The following CEP112 variants were observed in gnomAD, a reference collection of about 807,000 sequenced individuals.
CEP112 encodes the protein centrosomal protein 112, also known as centrosomal protein of 112 kDa.
A neutral mutation model predicts 153.0 loss-of-function variants in CEP112; 127 were observed. The ratio of observed to expected loss-of-function variants is 0.83; its 90% CI spans 0.72 to 0.96. The LOEUF is 0.96. Ranked by LOEUF, CEP112 falls within the 40% of genes least tolerant of loss-of-function variation. CEP112 has a pLI of 0.00. For missense variants in CEP112, 1,089 were observed against 1,101.2 expected (o/e 0.99, Z 0.16); for synonymous variants, 358 against 374.4 (o/e 0.96, Z 0.51).
intron 8 of CEP112, among the ~76,000 whole-genome samples, chr17:66,085,222 C>A (rs9892182): frequency 0.95 from 144,040 of 152,288 alleles, 68,210 homozygotes; most frequent in East Asian, 0.98. Context: ...CACACATTTA[C>A]ACAATACAAA....
chr17:66,164,328 C>A (rs539298175), intron 4 of CEP112, among the ~76,000 whole-genome samples: 5 of 152,014 alleles, frequency 3.3e-5, no homozygotes, highest in African/African-American at 1.2e-4. Flanking sequence ...GAGGCCAAGG[C>A]GGGAGGACCA....
chr17:65,855,508 G>A (rs1034204301), intron 20 of CEP112, among the ~76,000 whole-genome samples: 1 of 152,166 alleles, frequency 6.6e-6, no homozygotes, highest in Non-Finnish European at 1.5e-5. Flanking sequence ...TGAAGTAACT[G>A]TGAAAGGGAG....
intron 18 of CEP112, among the ~76,000 whole-genome samples, chr17:65,948,591 TAC>T (rs67350763): frequency 0.44 from 61,195 of 138,560 alleles, 13,692 homozygotes; most frequent in East Asian, 0.87. Flanking sequence ...TATATATATA[TAC>T]ATACATAGAA....
chr17:66,151,910 T>TA (rs1212089719), intron 4 of CEP112, among the ~76,000 whole-genome samples: 1 of 152,104 alleles, frequency 6.6e-6, no homozygotes, highest in Non-Finnish European at 1.5e-5. Flanking sequence ...TAAAAAATTT[T>TA]AAAAAAATTA....
At chr17:65,997,029 T>C (rs2063816647) in intron 17 of CEP112, among the ~76,000 whole-genome samples, 1 of 152,104 alleles carries the variant, frequency 6.6e-6, no homozygotes, top group African/African-American at 2.4e-5. Context: ...GGCAACACAG[T>C]GAAACCTCGT....
chr17:66,150,649 T>C (rs1382744097), intron 4 of CEP112, among the ~76,000 whole-genome samples: 1 of 152,234 alleles, frequency 6.6e-6, no homozygotes, highest in Non-Finnish European at 1.5e-5. Flanking sequence ...CACACTGGAG[T>C]ATGTGCATTC....
At chr17:65,859,810 T>C (rs868211037) in intron 20 of CEP112, among the ~76,000 whole-genome samples, 5 of 140,806 alleles carry the variant, frequency 3.6e-5, no homozygotes, top group Middle Eastern at 4.0e-3. Context: ...AGTTTGAGAC[T>C]AGCCTGGTCA....
At chr17:66,106,631 T>C (rs975876821) in intron 6 of CEP112, among the ~76,000 whole-genome samples, 2 of 151,902 alleles carry the variant, frequency 1.3e-5, no homozygotes, top group Non-Finnish European at 2.9e-5. Flanking sequence ...AAACAAGTAA[T>C]GAGATTGAAG....
intron 17 of CEP112, among the ~76,000 whole-genome samples, chr17:65,970,943 A>C (rs1599203855): frequency 7.2e-6 from 1 of 138,846 alleles, no homozygotes; most frequent in Admixed American, 7.8e-5. Flanking sequence ...CACCCATATT[A>C]TATTACATAC....
intron 17 of CEP112, among the ~76,000 whole-genome samples, chr17:65,995,094 A>C (rs1337208336): frequency 1.4e-5 from 2 of 146,662 alleles, no homozygotes; most frequent in Non-Finnish European, 3.0e-5. Context: ...TTCAGCAAGG[A>C]GCCTGATCAT....
intron 16 of CEP112, among the ~76,000 whole-genome samples, chr17:66,010,081 T>C (rs2064451442): frequency 6.6e-6 from 1 of 152,198 alleles, no homozygotes; most frequent in East Asian, 1.9e-4. Flanking sequence ...TATTGATTCT[T>C]CCTATCCATG....
At chr17:65,663,964 T>C (rs1027212714) in intron 24 of CEP112, among the ~76,000 whole-genome samples, 1 of 152,126 alleles carries the variant, frequency 6.6e-6, no homozygotes, top group Non-Finnish European at 1.5e-5. Context: ...GAGAATGGCC[T>C]GAACCCGGGA....
intron 18 of CEP112, among the ~76,000 whole-genome samples, chr17:65,936,836 T>C (rs1422376368): frequency 9.5e-5 from 7 of 73,570 alleles, no homozygotes; most frequent in Non-Finnish European, 1.6e-4. Context: ...TCCCTCTCCC[T>C]CTCTTTCCAC....
At chr17:66,082,429 T>C (rs182456175) in intron 8 of CEP112, among the ~76,000 whole-genome samples, 58 of 152,334 alleles carry the variant, frequency 3.8e-4, no homozygotes, top group Non-Finnish European at 6.8e-4. Context: ...ATGAGAAATA[T>C]GCCCAAAATA....
chr17:65,778,223 G>T (rs1012260631), intron 21 of CEP112, among the ~76,000 whole-genome samples: 6 of 152,190 alleles, frequency 3.9e-5, no homozygotes, highest in African/African-American at 7.2e-5. Context: ...TCTGTTCACT[G>T]ATATATCCCA....
chr17:65,792,818 C>G (rs1007092124), intron 21 of CEP112, among the ~76,000 whole-genome samples: 1 of 152,072 alleles, frequency 6.6e-6, no homozygotes, highest in Non-Finnish European at 1.5e-5. Context: ...ATGGCTGGCA[C>G]TGATATGTTT....
intron 8 of CEP112, among the ~76,000 whole-genome samples, chr17:66,074,654 A>G (rs553356791): frequency 6.6e-5 from 10 of 152,090 alleles, no homozygotes; most frequent in Non-Finnish European, 1.5e-4. Context: ...CACAAGGTCA[A>G]GAGTTCGAGG....
rs529771689 is a variant in CEP112, at chr17:65,767,063, C to G, written c.2395-16339G>C. On this transcript the variant is annotated intron_variant, in intron 21 of 26. Transcript: ENST00000535342. ...GACAAAATGGGCTATATATAACTTTCTATCCAACAGCAACAAAATACACAT... is the reference window on the plus strand; with the variant it reads ...GACAAAATGGGCTATATATAACTTTGTATCCAACAGCAACAAAATACACAT... 5.3e-3 allele frequency among the ~76,000 whole-genome samples: 799 copies of G among 150,756 alleles called. 5 individuals carry two copies. The highest frequency in any genetic ancestry group is 0.019 in the African/African-American group (765 of 41,310).
intron 20 of CEP112, among the ~76,000 whole-genome samples, chr17:65,864,002 CA>C (rs1401514603): frequency 6.6e-6 from 1 of 151,198 alleles, no homozygotes; most frequent in East Asian, 2.0e-4. Flanking sequence ...ATTAGCTTGA[CA>C]GGGGGCACGC....
Sources: gnomAD v4.1 joint callset for allele counts (sites outside exome capture counted in the v4.1 genomes callset) on GRCh38, gnomAD v4.1.1 for gene constraint, MANE v1.5 for transcripts, NCBI Gene and HGNC (gene_info 2026-07-23, HGNC 2026-07-21) for gene names.